The following PDLIM5 variants were observed in gnomAD, a reference collection of about 807,000 sequenced individuals.
PDLIM5 encodes the protein PDZ and LIM domain 5.
A neutral mutation model predicts 64.2 loss-of-function variants in PDLIM5; 34 were observed. The ratio of observed to expected loss-of-function variants is 0.53; its 90% confidence interval spans 0.40 to 0.71. PDLIM5 has a LOEUF of 0.71. Ranked by LOEUF, PDLIM5 falls within the 30% of genes least tolerant of loss-of-function variation. PDLIM5 has a pLI of 0.00. For synonymous variants in PDLIM5, 253 were observed against 269.1 expected (o/e 0.94, Z 0.59); for missense variants, 683 against 733.6 (o/e 0.93, Z 0.80).
chr4:94,587,831 A>G, intron 7 of PDLIM5: 1 of 835,408 alleles, frequency 1.2e-6, no homozygotes, highest in Non-Finnish European at 1.4e-6. Context: ...ATTTCTAGGT[A>G]TTAACTAATA....
chr4:94,558,987 A>G (rs865981934), intron 3 of PDLIM5, among the ~76,000 whole-genome samples: 1 of 152,090 alleles, frequency 6.6e-6, no homozygotes, highest in Non-Finnish European at 1.5e-5. Flanking sequence ...ATTTAAGTTG[A>G]GTAGGTTTTT....
chr4:94,577,488 G>A (rs1010508469), intron 5 of PDLIM5: 1 of 369,004 alleles, frequency 2.7e-6, no homozygotes, highest in Admixed American at 3.7e-5. Flanking sequence ...TATATATTGA[G>A]GAAAACTAGT....
intron 2 of PDLIM5, among the ~76,000 whole-genome samples, chr4:94,485,856 A>G (rs1448571244): frequency 6.6e-6 from 1 of 151,624 alleles, no homozygotes; most frequent in Non-Finnish European, 1.5e-5. Context: ...TCTCAAAAAA[A>G]AAAAAAAAAA....
rs1743041999 is a variant in PDLIM5, at chr4:94,665,574, T to C, written c.*1507T>C. 1.4e-5 allele frequency: 13 copies of C among 919,504 alleles called. No homozygotes were observed. The highest frequency in any genetic ancestry group is 1.6e-5 in the Non-Finnish European group (13 of 794,004). 57.0% of individuals were successfully genotyped at this position (919,504 alleles called of 1,614,324 possible). The stretch of plus-strand genomic sequence containing the variant: ...TGAATCAGAAGATTATACCCCCCAA[T>C]TGTTTTTCAATCCCCTTTTCTCAAA... On this transcript the variant is annotated 3_prime_UTR_variant, in exon 13 of 13. Transcript: ENST00000317968.
chr4:94,454,518 G>T (rs896392796), intron 1 of PDLIM5, among the ~76,000 whole-genome samples: 4 of 152,206 alleles, frequency 2.6e-5, no homozygotes, highest in Admixed American at 2.6e-4. Flanking sequence ...TCACTGAGTG[G>T]CAAATGCTTA....
intron 2 of PDLIM5, among the ~76,000 whole-genome samples, chr4:94,459,287 A>G (rs1295209090): frequency 6.6e-6 from 1 of 152,222 alleles, no homozygotes; most frequent in Non-Finnish European, 1.5e-5. Flanking sequence ...TTACCTGAAG[A>G]TGATATCCCA....
intron 9 of PDLIM5, among the ~76,000 whole-genome samples, chr4:94,645,950 TTAAA>T (rs1402273032): frequency 2.0e-5 from 3 of 152,214 alleles, no homozygotes; most frequent in Non-Finnish European, 4.4e-5. Context: ...AGTTGAACAG[TTAAA>T]TATTCTCATC....
At chr4:94,548,070 G>T (rs1323532746) in intron 3 of PDLIM5, among the ~76,000 whole-genome samples, 1 of 152,062 alleles carries the variant, frequency 6.6e-6, no homozygotes, top group Admixed American at 6.6e-5. Flanking sequence ...AGTCATTGAG[G>T]GTGCTTTTAT....
intron 7 of PDLIM5, among the ~76,000 whole-genome samples, chr4:94,593,672 T>C (rs1736847954): frequency 6.6e-6 from 1 of 152,164 alleles, no homozygotes; most frequent in Non-Finnish European, 1.5e-5. Context: ...TATCTCCAAA[T>C]AGTCACATTG....
chr4:94,607,550 A>G (rs1738025957), intron 7 of PDLIM5, among the ~76,000 whole-genome samples: 1 of 152,174 alleles, frequency 6.6e-6, no homozygotes, highest in Admixed American at 6.5e-5. Context: ...ACATCCATAT[A>G]ACTTCAGATC....
intron 2 of PDLIM5, chr4:94,457,161 C>T: frequency 1.0e-6 from 1 of 970,392 alleles, no homozygotes; most frequent in Non-Finnish European, 1.2e-6. Context: ...CCTAAATATC[C>T]TTATTAAAAT....
chr4:94,639,044 A>T (rs1740793204), intron 8 of PDLIM5, among the ~76,000 whole-genome samples: 1 of 152,216 alleles, frequency 6.6e-6, no homozygotes. Flanking sequence ...AATGTAATTC[A>T]GGGAGAGTTT....
In PDLIM5 at chr4:94,614,432, T is replaced by C. The variant is rs1011581941; in HGVS notation, c.921-3572T>C. 7.9e-5 allele frequency among the ~76,000 whole-genome samples: 12 copies of C among 152,280 alleles called. No individual in the cohort carries two copies. The South Asian group carries it at 2.5e-3, about 32-fold the overall frequency. On this transcript the variant is annotated intron_variant, in intron 7 of 12. Transcript: ENST00000317968. ...GCCCAGCCAATACCAAATGTTTATGTATGCTCTTTAAATAGTAGCTAATAG... is the reference window on the plus strand; with the variant it reads ...GCCCAGCCAATACCAAATGTTTATGCATGCTCTTTAAATAGTAGCTAATAG...
chr4:94,634,990 G>A (rs1740446782), intron 8 of PDLIM5, among the ~76,000 whole-genome samples: 1 of 152,084 alleles, frequency 6.6e-6, no homozygotes, highest in Admixed American at 6.6e-5. Context: ...GTAAATTTAT[G>A]TTTACTTATT....
chr4:94,573,959 C>T (rs963146703), intron 4 of PDLIM5, among the ~76,000 whole-genome samples: 1 of 152,112 alleles, frequency 6.6e-6, no homozygotes, highest in Admixed American at 6.5e-5. Flanking sequence ...ATTAGAAAAT[C>T]CAAAATGCTC....
intron 8 of PDLIM5, among the ~76,000 whole-genome samples, chr4:94,622,719 G>A (rs1279982555): frequency 6.6e-6 from 1 of 150,810 alleles, no homozygotes; most frequent in Admixed American, 6.6e-5. Context: ...CGCCCAGGCT[G>A]GAGTACAGTG....
chr4:94,577,167 A>T (rs1735338690), intron 5 of PDLIM5: 1 of 455,282 alleles, frequency 2.2e-6, no homozygotes, highest in African/African-American at 2.0e-5. Flanking sequence ...TAAAAGGAAG[A>T]CAAAGGGAAA....
chr4:94,610,814 A>G (rs1477619016), intron 7 of PDLIM5, among the ~76,000 whole-genome samples: 2 of 152,186 alleles, frequency 1.3e-5, no homozygotes, highest in African/African-American at 4.8e-5. Context: ...AATGCTTTCT[A>G]AATGATGGCT....
In PDLIM5 at chr4:94,631,769, G is replaced by T. The variant is rs531794792; in HGVS notation, c.1109-8507G>T. On this transcript the variant is annotated intron_variant, in intron 8 of 12. Coordinates refer to ENST00000317968, the MANE Select transcript of PDLIM5 (RefSeq NM_006457.5). ...TCTCTGCTCCCCTCCACTGGCTTCC[G>T]TGACATACTCTTCTGGTTTTTCTCC... Among the ~76,000 whole-genome samples, 3 of 152,162 alleles carry T rather than the reference G, an allele frequency of 2.0e-5. No individual in the cohort carries two copies. The East Asian group carries it at 5.8e-4, about 29-fold the overall frequency.
Sources: allele counts gnomAD v4.1 joint callset (sites outside exome capture counted in the v4.1 genomes callset), GRCh38; gene constraint gnomAD v4.1.1; transcripts MANE v1.5; gene names NCBI Gene and HGNC (gene_info 2026-07-23, HGNC 2026-07-21).